Variants in NALCN observed in about 807,000 individuals in gnomAD.
The protein encoded by NALCN is sodium leak channel, non-selective.
Under a neutral mutation model 225.3 loss-of-function variants are expected in NALCN, and 111 were observed. The observed-to-expected ratio is 0.49, with a 90% CI of 0.42 to 0.58. The LOEUF (loss-of-function observed/expected upper bound fraction) is 0.58. Ranked by LOEUF, NALCN falls within the 20% of genes least tolerant of loss-of-function variation. The pLI is 0.00. For synonymous variants in NALCN, 764 were observed against 769.0 expected, an observed-to-expected ratio of 0.99 and a Z score of 0.11; for missense variants, 1,378 against 2,202.4, an observed-to-expected ratio of 0.63 and a Z score of 7.49.
At chr13:101,178,256 C>A (rs1250585749) in intron 14 of NALCN, among the ~76,000 whole-genome samples, 1 of 152,110 alleles carries the variant, frequency 6.6e-6, no homozygotes, top group Admixed American at 6.6e-5. Flanking sequence ...ATATCTTATA[C>A]CCCTTCTCTC....
At chr13:101,231,840 G>A (rs2140139500) in intron 12 of NALCN, among the ~76,000 whole-genome samples, 1 of 152,070 alleles carries the variant, frequency 6.6e-6, no homozygotes, top group East Asian at 1.9e-4. Flanking sequence ...ACTCTGCCTG[G>A]TTTTCCTTTA....
At position 101,300,532 on chromosome 13, in the gene NALCN, C is replaced by T. The variant is rs141796348; in HGVS notation, c.800-8166G>A. On this transcript the variant is annotated intron_variant, in intron 7 of 43. Transcript: ENST00000251127. Reference sequence around the variant, plus strand: ...GTGGTACAGTCTTGGCTCACTGCAGCCTTCACCTCCTGGGTTCAACCAATT... The same window carrying T: ...GTGGTACAGTCTTGGCTCACTGCAGTCTTCACCTCCTGGGTTCAACCAATT... 5.0e-3 allele frequency among the ~76,000 whole-genome samples: 766 copies of T among 152,026 alleles called. 6 individuals are homozygous for T. Among genetic ancestry groups the T allele is most frequent in the African/African-American group, 0.018 (739 of 41,426 alleles).
chr13:101,381,304 G>T (rs976531242), intron 3 of NALCN, among the ~76,000 whole-genome samples: 1 of 152,020 alleles, frequency 6.6e-6, no homozygotes, highest in South Asian at 2.1e-4. Flanking sequence ...ACACATAAAC[G>T]CATCACAAAG....
intron 1 of NALCN, among the ~76,000 whole-genome samples, chr13:101,415,439 C>T (rs2047915546): frequency 6.6e-6 from 1 of 152,046 alleles, no homozygotes; most frequent in Admixed American, 6.5e-5. Flanking sequence ...CTTAATAATA[C>T]AGTGTCTGAA....
intron 13 of NALCN, among the ~76,000 whole-genome samples, chr13:101,201,625 A>C (rs2040124526): frequency 6.6e-6 from 1 of 152,164 alleles, no homozygotes; most frequent in Non-Finnish European, 1.5e-5. Flanking sequence ...GTTTTTGTGT[A>C]AACATATGTT....
chr13:101,285,263 T>G (rs1353580122), intron 9 of NALCN, among the ~76,000 whole-genome samples: 1 of 152,116 alleles, frequency 6.6e-6, no homozygotes, highest in African/African-American at 2.4e-5. Flanking sequence ...TGAGAGACAG[T>G]TGCCAAAAAT....
At chr13:101,291,017 A>G (rs1473847412) in intron 9 of NALCN, among the ~76,000 whole-genome samples, 1 of 152,212 alleles carries the variant, frequency 6.6e-6, no homozygotes, top group Non-Finnish European at 1.5e-5. Flanking sequence ...AAATAAAAAC[A>G]AAGGCATTGG....
Position 101,073,587 on chromosome 13 carries a change from A to G in NALCN, c.4194T>C (p.Cys1398=), listed in dbSNP as rs146467258. 2.5e-6 allele frequency: 4 copies of G among 1,611,138 alleles called. No individual in the cohort carries two copies. The highest frequency in any genetic ancestry group is 2.7e-5 in the African/African-American group (2 of 74,866). ...GTTCATGATGAGAGATATTTACCAT[A>G]CAGTCATGCATAATCTTGTTCCAGT... ...GEDWNKIMHD[C]MVQPPFCTPD... Residue 1398 remains cysteine, a synonymous_variant, in exon 37 of 44, where the codon TGT becomes TGC. Coordinates refer to ENST00000251127, the MANE Select transcript of NALCN (RefSeq NM_052867.4).
intron 34 of NALCN, among the ~76,000 whole-genome samples, chr13:101,077,163 G>C (rs974492404): frequency 4.6e-5 from 7 of 152,118 alleles, no homozygotes; most frequent in Non-Finnish European, 1.0e-4. Context: ...AGTTTTCTGA[G>C]GCCTTCCCAG....
chr13:101,338,453 A>G (rs948809610), intron 7 of NALCN, among the ~76,000 whole-genome samples: 15 of 152,252 alleles, frequency 9.9e-5, no homozygotes, highest in Non-Finnish European at 2.9e-5. Flanking sequence ...ATCCAATGAC[A>G]TTCATTAAGT....
At position 101,095,700 on chromosome 13, in the gene NALCN, G is replaced by A. The variant is rs377581771; in HGVS notation, c.3163-20C>T. ...ATCTTCCTAAAGTAGAAAAACAAGA[G>A]GAGAGGGGAAACCTGGTCAGAAAAT... On this transcript the variant is annotated intron_variant, in intron 27 of 43. Coordinates refer to ENST00000251127, the MANE Select transcript of NALCN (RefSeq NM_052867.4). 1.3e-6 allele frequency: 2 copies of A among 1,576,504 alleles called. No individual in the cohort carries two copies.
At chr13:101,271,698 A>C (rs2042782768) in intron 10 of NALCN, among the ~76,000 whole-genome samples, 1 of 150,994 alleles carries the variant, frequency 6.6e-6, no homozygotes, top group Non-Finnish European at 1.5e-5. Context: ...GTGTGTGTGC[A>C]TGTGTGCATA....
At chr13:101,078,621 A>T (rs1468620188) in intron 34 of NALCN, among the ~76,000 whole-genome samples, 1 of 152,216 alleles carries the variant, frequency 6.6e-6, no homozygotes, top group Non-Finnish European at 1.5e-5. Context: ...CCCCCATTGT[A>T]TCTAGGAAGT....
intron 1 of NALCN, among the ~76,000 whole-genome samples, chr13:101,401,946 G>C: frequency 6.6e-6 from 1 of 152,166 alleles, no homozygotes; most frequent in East Asian, 1.9e-4. Flanking sequence ...ATTAATTTGA[G>C]GTGGTTGATT....
chr13:101,144,938 AATACTATT>A (rs1388651918), intron 15 of NALCN, 42 bp from the exon 16 acceptor site: 2 of 1,586,038 alleles, frequency 1.3e-6, no homozygotes, highest in African/African-American at 2.7e-5. Context: ...GGGAACCTAT[AATACTATT>A]ATATACGTTA....
chr13:101,301,753 C>A (rs371993973), intron 7 of NALCN, among the ~76,000 whole-genome samples: 21 of 143,398 alleles, frequency 1.5e-4, no homozygotes, highest in African/African-American at 2.2e-4. Context: ...AAAAAAAAAA[C>A]AAAACCCTAC....
intron 7 of NALCN, among the ~76,000 whole-genome samples, chr13:101,336,716 A>G (rs985528015): frequency 2.0e-5 from 3 of 152,238 alleles, no homozygotes; most frequent in Non-Finnish European, 4.4e-5. Flanking sequence ...TAATAAAGAA[A>G]TTAATTAATG....
Position 101,301,871 on chromosome 13 carries a change from T to C in NALCN, c.800-9505A>G, listed in dbSNP as rs2043984638. Among the ~76,000 whole-genome samples the C allele has an allele frequency of 3.3e-5, 5 of 152,114 alleles. No homozygotes were observed. In the South Asian group the frequency reaches 1.0e-3, roughly 32 times the overall value. On this transcript the variant is annotated intron_variant, in intron 7 of 43. Coordinates refer to ENST00000251127, the MANE Select transcript of NALCN (RefSeq NM_052867.4). Reference sequence around the variant, plus strand: ...AGTACACCCTGGACCTCAACTTCCATGGATGCACTAGGGCAGTGATGATAC... The same window carrying C: ...AGTACACCCTGGACCTCAACTTCCACGGATGCACTAGGGCAGTGATGATAC...
chr13:101,265,216 A>G (rs2042557857), intron 10 of NALCN, among the ~76,000 whole-genome samples: 1 of 152,188 alleles, frequency 6.6e-6, no homozygotes, highest in Admixed American at 6.5e-5. Flanking sequence ...TACCAGCTCA[A>G]ATCACCTTCT....
Sources: allele counts gnomAD v4.1 joint callset (sites outside exome capture counted in the v4.1 genomes callset), GRCh38; gene constraint gnomAD v4.1.1; transcripts MANE v1.5; gene names NCBI Gene and HGNC (gene_info 2026-07-23, HGNC 2026-07-21).